DUSP22: variants seen among roughly 807,000 people sequenced by gnomAD.
DUSP22 encodes the protein dual specificity phosphatase 22.
Under a neutral mutation model 24.5 loss-of-function variants are expected in DUSP22, and 24 were observed. The ratio of observed to expected loss-of-function variants is 0.98; its 90% CI spans 0.71 to 1.38. DUSP22 has a LOEUF of 1.38. DUSP22 is among the 40% of genes most tolerant of loss of function. The pLI, the probability that DUSP22 is intolerant of heterozygous loss-of-function variation, is 0.00. For missense variants in DUSP22, 330 were observed against 269.2 expected (o/e 1.23, Z -1.58); for synonymous variants, 160 against 106.4 (o/e 1.50, Z -3.10).
At chr6:310,180 C>A (rs1215673532) in intron 2 of DUSP22, among the ~76,000 whole-genome samples, 1 of 152,300 alleles carries the variant, frequency 6.6e-6, no homozygotes, top group Non-Finnish European at 1.5e-5. Flanking sequence ...AGGCTGGTCT[C>A]ACACTCCTGA....
At chr6:327,632 G>A (rs924186933) in intron 3 of DUSP22, among the ~76,000 whole-genome samples, 11 of 152,418 alleles carry the variant, frequency 7.2e-5, no homozygotes, top group South Asian at 2.1e-4. Flanking sequence ...AGGGCCATGC[G>A]CCTGTGTGCT....
intron 3 of DUSP22, among the ~76,000 whole-genome samples, chr6:322,862 G>A (rs1758675550): frequency 6.6e-6 from 1 of 151,828 alleles, no homozygotes; most frequent in African/African-American, 2.4e-5. Context: ...GTCTGCAATA[G>A]GAAGTTTGAA....
chr6:315,035 G>A (rs1021234891), intron 3 of DUSP22, among the ~76,000 whole-genome samples: 1 of 152,300 alleles, frequency 6.6e-6, no homozygotes, highest in African/African-American at 2.4e-5. Flanking sequence ...GGGAGTGGCT[G>A]GGTGGTCTCT....
intron 1 of DUSP22, among the ~76,000 whole-genome samples, chr6:300,959 C>T (rs1440609958): frequency 6.6e-6 from 1 of 152,304 alleles, no homozygotes; most frequent in African/African-American, 2.4e-5. Flanking sequence ...ATGCTACAGC[C>T]AGTGGACACT....
intron 3 of DUSP22, 40 bp from the exon 4 acceptor site, chr6:335,074 T>A: frequency 2.5e-6 from 4 of 1,600,104 alleles, no homozygotes; most frequent in Non-Finnish European, 3.4e-6. Context: ...CTGAGTTTCA[T>A]GTTTTTATTT....
At chr6:327,601 G>C (rs953176449) in intron 3 of DUSP22, among the ~76,000 whole-genome samples, 1 of 152,304 alleles carries the variant, frequency 6.6e-6, no homozygotes, top group African/African-American at 2.4e-5. Flanking sequence ...CCCTTCACAC[G>C]CAGTGCCAGT....
chr6:350,745 C>G lies in DUSP22; in HGVS notation c.*1794C>G, dbSNP rs1445662168. 2 of 1,613,226 alleles carry G rather than the reference C, an allele frequency of 1.2e-6. No individual in the cohort carries two copies. Among genetic ancestry groups the G allele is most frequent in the African/African-American group, 1.3e-5 (1 of 75,036 alleles). ...GAATGCTTAAATATGTGCACCTTTACAAACCTCTCAGTGTATTCTTGGAGT... is the reference window on the plus strand; with the variant it reads ...GAATGCTTAAATATGTGCACCTTTAGAAACCTCTCAGTGTATTCTTGGAGT... On this transcript the variant is annotated 3_prime_UTR_variant, in exon 7 of 7. Transcript: ENST00000419235.
intron 4 of DUSP22, among the ~76,000 whole-genome samples, chr6:341,050 G>A (rs1759583067): frequency 6.6e-6 from 1 of 152,306 alleles, no homozygotes. Context: ...TGTGACGAGG[G>A]AGGGAGACAG....
intron 1 of DUSP22, among the ~76,000 whole-genome samples, chr6:302,482 G>C (rs1440216157): frequency 6.6e-6 from 1 of 152,298 alleles, no homozygotes; most frequent in Non-Finnish European, 1.5e-5. Flanking sequence ...TGGGCTGCAG[G>C]TCCTGAGTGT....
chr6:328,636 C>CG (rs1280005794), intron 3 of DUSP22, among the ~76,000 whole-genome samples: 1 of 152,302 alleles, frequency 6.6e-6, no homozygotes, highest in Non-Finnish European at 1.5e-5. Flanking sequence ...ATTTGTAGTA[C>CG]GGTTTCCTAA....
chr6:343,280 G>A (rs1438053830), intron 4 of DUSP22, among the ~76,000 whole-genome samples: 3 of 152,288 alleles, frequency 2.0e-5, no homozygotes, highest in Non-Finnish European at 4.4e-5. Context: ...TGGCCCAGAA[G>A]TGGCTCCAGA....
intron 2 of DUSP22, among the ~76,000 whole-genome samples, chr6:309,466 G>C (rs565308807): frequency 6.6e-6 from 1 of 152,412 alleles, no homozygotes; most frequent in African/African-American, 2.4e-5. Flanking sequence ...AAGCCTGAGA[G>C]GTTGGAGCAA....
intron 2 of DUSP22, among the ~76,000 whole-genome samples, chr6:308,862 G>A (rs6906045): frequency 0.013 from 1,900 of 151,732 alleles, no homozygotes; most frequent in African/African-American, 0.045. Flanking sequence ...TCAAATGCCA[G>A]GTGGAATGGG....
At chr6:302,120 C>T (rs796367352) in intron 1 of DUSP22, among the ~76,000 whole-genome samples, 6 of 152,426 alleles carry the variant, frequency 3.9e-5, no homozygotes, top group African/African-American at 1.4e-4. Context: ...AGAAGCCCTC[C>T]TCCAGGACCC....
intron 1 of DUSP22, among the ~76,000 whole-genome samples, chr6:296,323 A>G (rs1757327184): frequency 6.6e-6 from 1 of 152,304 alleles, no homozygotes; most frequent in Non-Finnish European, 1.5e-5. Context: ...TCCATGAAGT[A>G]GATCCTGTTA....
At chr6:301,227 C>A (rs1757567574) in intron 1 of DUSP22, among the ~76,000 whole-genome samples, 1 of 152,248 alleles carries the variant, frequency 6.6e-6, no homozygotes, top group African/African-American at 2.4e-5. Flanking sequence ...ATGGCCATTA[C>A]AGGGTTTGTG....
At chr6:329,879 AG>A (rs1759062968) in intron 3 of DUSP22, among the ~76,000 whole-genome samples, 1 of 152,058 alleles carries the variant, frequency 6.6e-6, no homozygotes, top group African/African-American at 2.4e-5. Context: ...GCTTCTGATC[AG>A]GGGAGGAGTG....
chr6:334,291 C>T (rs551799585), intron 3 of DUSP22, among the ~76,000 whole-genome samples: 235 of 152,336 alleles, frequency 1.5e-3, no homozygotes, highest in Middle Eastern at 3.4e-3. Context: ...TCTAATTCTT[C>T]ATCAGGCCAT....
chr6:348,897 C>T lies in DUSP22; in HGVS notation c.564C>T (p.Ser188=). ...CCCAGCCCGGCGCCAGGCGGTGGAG[C>T]AGTTTTCCGGCACTGGCTCCGCTGA... ...TEPQPGARRW[S]SFPALAPLTY... The change falls in exon 7 of 7, where the codon AGC becomes AGT. Residue 188 remains serine, a synonymous_variant. Coordinates refer to ENST00000419235, the MANE Select transcript of DUSP22 (RefSeq NM_001286555.3). The T allele has an allele frequency of 6.2e-7, 1 of 1,613,974 alleles. No homozygotes were observed. Among genetic ancestry groups the T allele is most frequent in the South Asian group, 1.1e-5 (1 of 91,088 alleles).
Sources: allele counts gnomAD v4.1 joint callset (sites outside exome capture counted in the v4.1 genomes callset), GRCh38; gene constraint gnomAD v4.1.1; transcripts MANE v1.5; gene names NCBI Gene and HGNC (gene_info 2026-07-23, HGNC 2026-07-21).